The following CDC25B variants were observed in gnomAD, a reference collection of about 807,000 sequenced individuals.
The protein encoded by CDC25B is M-phase inducer phosphatase 2.
In CDC25B, 33 loss-of-function variants were observed where a neutral mutation model predicts 69.8. The observed-to-expected ratio is 0.47, with a 90% CI of 0.36 to 0.63. The LOEUF (loss-of-function observed/expected upper bound fraction) is 0.63, where lower values mean the gene tolerates loss of function less well. Ranked by LOEUF, CDC25B falls within the 30% of genes least tolerant of loss-of-function variation. The probability of loss-of-function intolerance (pLI) is 0.00; values close to 1 mark genes in which losing one functional copy is unlikely to be tolerated. For missense variants in CDC25B, 727 were observed against 809.1 expected (o/e 0.90, Z 1.23); for synonymous variants, 341 against 314.6 (o/e 1.08, Z -0.89).
At chr20:3,801,487 C>A (rs1266998515) in intron 8 of CDC25B, 99 bp downstream of exon 8, 1 of 1,392,588 alleles carries the variant, frequency 7.2e-7, no homozygotes, top group Non-Finnish European at 9.8e-7. Context: ...TGATGTCATT[C>A]CAGTGTCAGA....
Position 3,796,437 on chromosome 20 carries a change from C to A in CDC25B, c.-95C>A. 1.6e-6 allele frequency: 1 copy of A among 621,244 alleles called. No individual in the cohort carries two copies. The highest frequency in any genetic ancestry group is 2.1e-6 in the Non-Finnish European group (1 of 465,306). 38.5% of individuals were successfully genotyped at this position (621,244 alleles called of 1,614,324 possible). On this transcript the variant is annotated 5_prime_UTR_variant, in exon 1 of 16. Transcript: ENST00000245960. Reference sequence around the variant, plus strand: ...CCTCCTTCCCCCCCCCCCCACCCCTCGCCCGCTGCCTCCCTCGGCCCAGCC... The same window carrying A: ...CCTCCTTCCCCCCCCCCCCACCCCTAGCCCGCTGCCTCCCTCGGCCCAGCC...
In CDC25B at chr20:3,801,818, G is replaced by T; in HGVS notation, c.921+16G>T. 1 of 1,591,514 alleles carries T rather than the reference G, an allele frequency of 6.3e-7. No homozygotes were observed. Among genetic ancestry groups the T allele is most frequent in the Non-Finnish European group, 8.6e-7 (1 of 1,169,022 alleles). ...AGAGGAAAAGGTGGGCCTCTGGGGTGGCCCCCTCCGAATTTGGAGGCATGG... is the reference window on the plus strand; with the variant it reads ...AGAGGAAAAGGTGGGCCTCTGGGGTTGCCCCCTCCGAATTTGGAGGCATGG... On this transcript the variant is annotated intron_variant, in intron 9 of 15. Coordinates refer to ENST00000245960, the MANE Select transcript of CDC25B (RefSeq NM_021873.4).
At chr20:3,802,234 G>T (rs780104840) in intron 10 of CDC25B, 47 bp from the exon 11 acceptor site, 47 of 1,572,792 alleles carry the variant, frequency 3.0e-5, no homozygotes, top group Non-Finnish European at 3.8e-5. Context: ...AGAGCACTGG[G>T]GGGCAGCCCC....
intron 1 of CDC25B, among the ~76,000 whole-genome samples, chr20:3,789,542 TG>T (rs982622345): frequency 3.9e-5 from 6 of 152,104 alleles, no homozygotes; most frequent in African/African-American, 1.2e-4. Flanking sequence ...GGCTTAGTTT[TG>T]TATTTTTAGT....
chr20:3,798,100 T>TAA (rs2089130161), intron 2 of CDC25B, among the ~76,000 whole-genome samples: 1 of 152,190 alleles, frequency 6.6e-6, no homozygotes, highest in African/African-American at 2.4e-5. Context: ...ACCTCTTCTT[T>TAA]AAAAATCTGT....
chr20:3,796,398 G>A lies in CDC25B; in HGVS notation c.-134G>A. On this transcript the variant is annotated 5_prime_UTR_variant, in exon 1 of 16. Coordinates refer to ENST00000245960, the MANE Select transcript of CDC25B (RefSeq NM_021873.4). ...CTCCTCCCTCGCGCCTGGCCCTGTG[G>A]CTCTTCCTCCCTCCCTCCTTCCCCC... is the stretch of plus-strand genomic sequence containing the variant. 1 of 967,942 alleles carries A rather than the reference G, an allele frequency of 1.0e-6. No individual in the cohort carries two copies. The highest frequency in any genetic ancestry group is 1.3e-6 in the Non-Finnish European group (1 of 789,018). The allele number at this position is 967,942 out of a possible 1,614,324, so 60.0% of individuals were successfully genotyped here. A position where few individuals can be genotyped will look rare whatever the true frequency, so the allele number is the denominator to read the frequency against.
rs913642840 is a variant in CDC25B at position 3,803,760 on chromosome 20, C to T, written c.1490+223C>T. The stretch of plus-strand genomic sequence containing the variant: ...TCAAGCCTCATGTCCACCCCACATC[C>T]ATTACTGCCACCCTCAGAAAATTTA... On this transcript the variant is annotated intron_variant, in intron 14 of 15. Coordinates refer to ENST00000245960, the MANE Select transcript of CDC25B (RefSeq NM_021873.4). This position sits in a 1 kb window ranked among gnomAD's most constrained non-coding sequence, Gnocchi z 4.9. Among the ~76,000 whole-genome samples the T allele has an allele frequency of 1.3e-5, 2 of 152,222 alleles. No homozygotes were observed. The highest frequency in any genetic ancestry group is 2.9e-5 in the Non-Finnish European group (2 of 68,036).
At position 3,804,607 on chromosome 20, in the gene CDC25B, A is replaced by C. The variant is rs773898396; in HGVS notation, c.1529A>C (p.Asp510Ala). 6.2e-7 allele frequency: 1 copy of C among 1,614,000 alleles called. No individual in the cohort carries two copies. The highest frequency in any genetic ancestry group is 2.2e-5 in the East Asian group (1 of 44,878). ...AGGGAACGAGACCGTGCTGTCAACG[A>C]CTACCCCAGCCTCTACTACCCTGAG... ...FIRERDRAVN[D>A]YPSLYYPEMY... Residue 510 changes from aspartate (D) to alanine (A), a missense_variant, in exon 15 of 16, where the codon GAC becomes GCC. Asp to Ala is a moderately radical substitution (Grantham distance 126, BLOSUM62 -2). Coordinates refer to ENST00000245960, the MANE Select transcript of CDC25B (RefSeq NM_021873.4).
chr20:3,805,252 T>G lies in CDC25B; in HGVS notation c.*291T>G, dbSNP rs1251039333. 6.7e-6 allele frequency: 3 copies of G among 449,438 alleles called. No homozygotes were observed. Among genetic ancestry groups the G allele is most frequent in the African/African-American group, 5.9e-5 (3 of 51,206 alleles). The allele number at this position is 449,438 out of a possible 1,614,324, so 27.8% of individuals were successfully genotyped here. ...TGTCCTCCAGGAGCTTCTTGTTTCC[T>G]TGTTAGGGTTAACCCTTCATCTTCC... On this transcript the variant is annotated 3_prime_UTR_variant, in exon 16 of 16. Coordinates refer to ENST00000245960, the MANE Select transcript of CDC25B (RefSeq NM_021873.4).
At position 3,796,707 on chromosome 20, in the gene CDC25B, T is replaced by A. The variant is rs748498041; in HGVS notation, c.176T>A (p.Met59Lys). 6.4e-7 allele frequency: 1 copy of A among 1,568,486 alleles called. No homozygotes were observed. Among genetic ancestry groups the A allele is most frequent in the East Asian group, 2.4e-5 (1 of 41,302 alleles). ...CCGGTCACCACCCTCACCCAGACCA[T>A]GCACGACCTCGCCGGGCTCGGCAGG... ...SSPVTTLTQT[M>K]HDLAGLGSET... Residue 59 changes from methionine (M) to lysine (K), a missense_variant, in exon 1 of 16, where the codon ATG becomes AAG. Physicochemically the swap from Met to Lys is moderately conservative, Grantham distance 95. Coordinates refer to ENST00000245960, the MANE Select transcript of CDC25B (RefSeq NM_021873.4).
Position 3,805,790 on chromosome 20 carries a change from C to CGGATGGATGGAAGGTT in CDC25B, c.*840_*855dup. 1 of 406,288 alleles carries CGGATGGATGGAAGGTT rather than the reference C, an allele frequency of 2.5e-6. No individual in the cohort carries two copies. The highest frequency in any genetic ancestry group is 4.4e-6 in the Non-Finnish European group (1 of 228,256). 25.2% of individuals were successfully genotyped at this position (406,288 alleles called of 1,614,324 possible). On this transcript the variant is annotated 3_prime_UTR_variant, in exon 16 of 16. Coordinates refer to ENST00000245960, the MANE Select transcript of CDC25B (RefSeq NM_021873.4). ...CTCAGAACTTGCTGCTGTCTTGTTG[C>CGGATGGATGGAAGGTT]GGATGGATGGAAGGTTGGATGGATG... is the stretch of plus-strand genomic sequence containing the variant.
chr20:3,799,964 G>A (rs1055863871), intron 3 of CDC25B, among the ~76,000 whole-genome samples: 1 of 152,182 alleles, frequency 6.6e-6, no homozygotes, highest in Non-Finnish European at 1.5e-5. Flanking sequence ...CATACAGGTG[G>A]AAGGCCTGGT....
At chr20:3,795,736 G>A (rs1368020373), upstream of CDC25B, 9 of 985,440 alleles carry the variant, frequency 9.1e-6, no homozygotes, top group African/African-American at 5.2e-5. Flanking sequence ...TGCGAATGAC[G>A]TTTTGCTGCT....
Position 3,800,457 on chromosome 20 carries a change from T to C in CDC25B, c.423-5T>C. 1 of 1,614,228 alleles carries C rather than the reference T, an allele frequency of 6.2e-7. No homozygotes were observed. Among genetic ancestry groups the C allele is most frequent in the Non-Finnish European group, 8.5e-7 (1 of 1,180,024 alleles). ...GCTCTCACCTGTCCCCATTTCCTCC[T>C]GTAGCGAGCAGTTTGCCATCAGACG... On this transcript the variant is annotated splice_polypyrimidine_tract_variant and splice_region_variant and intron_variant, in intron 4 of 15. Transcript: ENST00000245960.
In CDC25B at chr20:3,806,023, G is replaced by A. The variant is rs1164281891; in HGVS notation, c.*1062G>A. 2.5e-6 allele frequency: 1 copy of A among 398,370 alleles called. No individual in the cohort carries two copies. The highest frequency in any genetic ancestry group is 4.4e-6 in the Non-Finnish European group (1 of 226,006). 24.7% of individuals were successfully genotyped at this position (398,370 alleles called of 1,614,324 possible). On this transcript the variant is annotated 3_prime_UTR_variant, in exon 16 of 16. Coordinates refer to ENST00000245960, the MANE Select transcript of CDC25B (RefSeq NM_021873.4). ...AAGGACTGAGCACCCTCTGGATTCTGAATCTCAAGATGGGGGCAGGGCTGT... is the reference window on the plus strand; with the variant it reads ...AAGGACTGAGCACCCTCTGGATTCTAAATCTCAAGATGGGGGCAGGGCTGT...
At chr20:3,792,750 G>T (rs1568499456), upstream of CDC25B, among the ~76,000 whole-genome samples, 1 of 152,198 alleles carries the variant, frequency 6.6e-6, no homozygotes, top group Non-Finnish European at 1.5e-5. Context: ...ACAGGTGTGA[G>T]CCACCGTGCC....
In CDC25B at chr20:3,804,564, C is replaced by G; in HGVS notation, c.1491-5C>G. On this transcript the variant is annotated splice_region_variant and splice_polypyrimidine_tract_variant and intron_variant, in intron 14 of 15. Coordinates refer to ENST00000245960, the MANE Select transcript of CDC25B (RefSeq NM_021873.4). Reference sequence around the variant, plus strand: ...TCTGACCACACCCTGCCCATGACGCCCCAGGTGCCGTTTCATCAGGGAACG... The same window carrying G: ...TCTGACCACACCCTGCCCATGACGCGCCAGGTGCCGTTTCATCAGGGAACG... 2.5e-6 allele frequency: 4 copies of G among 1,605,426 alleles called. No homozygotes were observed. The highest frequency in any genetic ancestry group is 3.4e-6 in the Non-Finnish European group (4 of 1,172,142).
Position 3,804,588 on chromosome 20 carries a change from C to G in CDC25B, c.1510C>G (p.Arg504Gly), listed in dbSNP as rs1016651486. 6.2e-7 allele frequency: 1 copy of G among 1,613,728 alleles called. No homozygotes were observed. Among genetic ancestry groups the G allele is most frequent in the East Asian group, 2.2e-5 (1 of 44,882 alleles). Residue 504 changes from arginine to glycine, a missense_variant, in exon 15 of 16, where the codon CGA (arginine) becomes GGA (glycine). This residue lies in a region of CDC25B where 359 missense variants were observed against 463.4 expected (regional missense o/e 0.77). Transcript: ENST00000245960. Reference protein sequence around the residue: ...GPRMCRFIRERDRAVNDYPSL... With the variant: ...GPRMCRFIREGDRAVNDYPSL... ...CCCCAGGTGCCGTTTCATCAGGGAA[C>G]GAGACCGTGCTGTCAACGACTACCC...
Position 3,800,450 on chromosome 20 carries a change from T to G in CDC25B, c.423-12T>G. On this transcript the variant is annotated splice_polypyrimidine_tract_variant and intron_variant, in intron 4 of 15. Transcript: ENST00000245960. ...TCTCCCAGCTCTCACCTGTCCCCAT[T>G]TCCTCCTGTAGCGAGCAGTTTGCCA... is the stretch of plus-strand genomic sequence containing the variant. 1 of 1,614,184 alleles carries G rather than the reference T, an allele frequency of 6.2e-7. No homozygotes were observed. Among genetic ancestry groups the G allele is most frequent in the Non-Finnish European group, 8.5e-7 (1 of 1,180,002 alleles).
Sources: allele counts gnomAD v4.1 joint callset (sites outside exome capture counted in the v4.1 genomes callset), GRCh38; gene constraint gnomAD v4.1.1; regional missense constraint gnomAD v4.1.1; non-coding constraint Gnocchi (gnomAD v3.1); transcripts MANE v1.5; gene names NCBI Gene and HGNC (gene_info 2026-07-23, HGNC 2026-07-21).